KCNQ5: variants seen among roughly 807,000 people sequenced by gnomAD.
KCNQ5 encodes the protein potassium voltage-gated channel subfamily Q member 5.
Under a neutral mutation model 98.2 loss-of-function variants are expected in KCNQ5, and 30 were observed. The observed-to-expected ratio is 0.31, with a 90% CI of 0.23 to 0.41. KCNQ5 has a LOEUF of 0.41. Among genes scored for constraint, KCNQ5 ranks in the 10% least tolerant of loss-of-function variants. KCNQ5 has a pLI of 1.00. For synonymous variants in KCNQ5, 458 were observed against 449.4 expected (o/e 1.02, Z -0.24); for missense variants, 835 against 1,182.5 (o/e 0.71, Z 4.31).
intron 1 of KCNQ5, among the ~76,000 whole-genome samples, chr6:72,726,105 TA>T (rs57711571): frequency 0.13 from 19,666 of 148,148 alleles, 1,381 homozygotes; most frequent in South Asian, 0.19. Flanking sequence ...TGATGTTTGG[TA>T]AAAAAAAAAA....
chr6:72,783,816 T>A (rs1423708997), intron 1 of KCNQ5, among the ~76,000 whole-genome samples: 1 of 152,222 alleles, frequency 6.6e-6, no homozygotes, highest in Non-Finnish European at 1.5e-5. Context: ...TCTGGGCATC[T>A]TTTCAACTTT....
chr6:72,931,801 G>C (rs1765705272), intron 1 of KCNQ5, among the ~76,000 whole-genome samples: 1 of 152,104 alleles, frequency 6.6e-6, no homozygotes, highest in South Asian at 2.1e-4. Flanking sequence ...CTCACACTTT[G>C]GCAAAAATTG....
At chr6:72,830,261 A>G (rs1776192628) in intron 1 of KCNQ5, among the ~76,000 whole-genome samples, 1 of 152,288 alleles carries the variant, frequency 6.6e-6, no homozygotes, top group Admixed American at 6.5e-5. Flanking sequence ...ACCAAAAAAG[A>G]GCCTGCATTG....
At chr6:73,061,062 A>G (rs989159920) in intron 3 of KCNQ5, among the ~76,000 whole-genome samples, 3 of 152,162 alleles carry the variant, frequency 2.0e-5, no homozygotes, top group Non-Finnish European at 4.4e-5. Flanking sequence ...GTAAATCCAA[A>G]CAATAAAATA....
At chr6:72,880,322 T>C (rs1778588386) in intron 1 of KCNQ5, among the ~76,000 whole-genome samples, 1 of 152,222 alleles carries the variant, frequency 6.6e-6, no homozygotes, top group Non-Finnish European at 1.5e-5. Flanking sequence ...TTCTGGCTCA[T>C]AGATGAAACC....
intron 11 of KCNQ5, among the ~76,000 whole-genome samples, chr6:73,180,146 A>C (rs1227196197): frequency 1.3e-5 from 2 of 152,338 alleles, no homozygotes; most frequent in East Asian, 1.9e-4. Context: ...TCACAGTCGC[A>C]GCAACCATTG....
At chr6:72,628,898 C>T (rs2098919358) in intron 1 of KCNQ5, among the ~76,000 whole-genome samples, 2 of 152,278 alleles carry the variant, frequency 1.3e-5, no homozygotes, top group African/African-American at 4.8e-5. Context: ...CAGGCATGAG[C>T]CACCACACCT....
intron 11 of KCNQ5, 41 bp from the exon 12 acceptor site, chr6:73,190,527 TATTAA>T (rs1472555711): frequency 1.9e-6 from 2 of 1,031,644 alleles, no homozygotes; most frequent in African/African-American, 1.7e-5. Context: ...TGGTAACTTA[TATTAA>T]CAGAGTTATA....
At chr6:73,163,763 A>G (rs1777698992) in intron 10 of KCNQ5, among the ~76,000 whole-genome samples, 3 of 152,222 alleles carry the variant, frequency 2.0e-5, no homozygotes, top group African/African-American at 7.2e-5. Context: ...TAAAATAAAT[A>G]AATAAGTAAA....
chr6:73,156,839 C>T (rs1777378802), intron 10 of KCNQ5, among the ~76,000 whole-genome samples: 2 of 152,088 alleles, frequency 1.3e-5, no homozygotes, highest in African/African-American at 2.4e-5. Flanking sequence ...GTGAACAGTA[C>T]GGCAGAGAGG....
intron 1 of KCNQ5, among the ~76,000 whole-genome samples, chr6:72,652,257 A>G (rs1324888934): frequency 4.7e-5 from 7 of 149,206 alleles, no homozygotes; most frequent in African/African-American, 1.5e-4. Flanking sequence ...AAAAAAAAAA[A>G]GTGAGAGAAA....
intron 1 of KCNQ5, among the ~76,000 whole-genome samples, chr6:72,944,256 C>A (rs1766436507): frequency 6.6e-6 from 1 of 151,762 alleles, no homozygotes; most frequent in African/African-American, 2.4e-5. Flanking sequence ...TTTCTTATAC[C>A]CTCTTTTGCC....
chr6:72,897,193 A>G (rs999397312), intron 1 of KCNQ5, among the ~76,000 whole-genome samples: 2 of 152,078 alleles, frequency 1.3e-5, no homozygotes, highest in Non-Finnish European at 2.9e-5. Context: ...GGGGGAAAAA[A>G]TTGGAATTAC....
At chr6:72,637,498 T>C (rs1177835767) in intron 1 of KCNQ5, among the ~76,000 whole-genome samples, 6 of 152,136 alleles carry the variant, frequency 3.9e-5, no homozygotes, top group Non-Finnish European at 8.8e-5. Flanking sequence ...AATGGCTTTT[T>C]TCTTCAACTA....
chr6:73,067,372 T>C (rs1246301536), intron 3 of KCNQ5, among the ~76,000 whole-genome samples: 1 of 152,152 alleles, frequency 6.6e-6, no homozygotes, highest in Non-Finnish European at 1.5e-5. Context: ...AACATTTTTT[T>C]TTAGATTGAG....
At chr6:72,711,702 T>C (rs767993500) in intron 1 of KCNQ5, among the ~76,000 whole-genome samples, 20 of 152,052 alleles carry the variant, frequency 1.3e-4, no homozygotes, top group Non-Finnish European at 2.4e-4. Flanking sequence ...AGGTGATAAA[T>C]TACGCTAGAT....
At chr6:72,798,753 G>A (rs1376269888) in intron 1 of KCNQ5, among the ~76,000 whole-genome samples, 1 of 152,088 alleles carries the variant, frequency 6.6e-6, no homozygotes, top group African/African-American at 2.4e-5. Flanking sequence ...GATTGATCAA[G>A]CCCCCAGTTC....
chr6:72,874,137 G>A (rs1778316359), intron 1 of KCNQ5, among the ~76,000 whole-genome samples: 1 of 151,872 alleles, frequency 6.6e-6, no homozygotes, highest in Non-Finnish European at 1.5e-5. Flanking sequence ...AGCTAAATGA[G>A]AATGCCCTTC....
At chr6:72,750,477 A>G (rs1771619157) in intron 1 of KCNQ5, among the ~76,000 whole-genome samples, 1 of 152,070 alleles carries the variant, frequency 6.6e-6, no homozygotes, top group Non-Finnish European at 1.5e-5. Context: ...TTAATTTTAT[A>G]AACAATAAAA....
Sources: allele counts gnomAD v4.1 joint callset (sites outside exome capture counted in the v4.1 genomes callset), GRCh38; gene constraint gnomAD v4.1.1; transcripts MANE v1.5; gene names NCBI Gene and HGNC (gene_info 2026-07-23, HGNC 2026-07-21).